ABTB2: variants seen among roughly 807,000 people sequenced by gnomAD.
ABTB2 encodes ankyrin repeat and BTB/POZ domain-containing protein 2.
A neutral mutation model predicts 104.1 loss-of-function variants in ABTB2; 56 were observed. That is an observed-to-expected ratio of 0.54 (90% confidence interval 0.43 to 0.67). The LOEUF is 0.67. Ranked by LOEUF, ABTB2 falls within the 30% of genes least tolerant of loss-of-function variation. The pLI, the probability that ABTB2 is intolerant of heterozygous loss-of-function variation, is 0.00. For synonymous variants in ABTB2, 606 were observed against 608.2 expected (o/e 1.00, Z 0.05); for missense variants, 1,279 against 1,407.7 (o/e 0.91, Z 1.46).
chr11:34,345,454 A>G (rs1012028465), intron 1 of ABTB2, among the ~76,000 whole-genome samples: 1 of 152,124 alleles, frequency 6.6e-6, no homozygotes, highest in Admixed American at 6.6e-5. Context: ...ACAGTCCTCA[A>G]TAAATATTTG....
intron 1 of ABTB2, among the ~76,000 whole-genome samples, chr11:34,205,697 G>A (rs1259347891): frequency 6.6e-6 from 1 of 152,050 alleles, no homozygotes; most frequent in African/African-American, 2.4e-5. Context: ...GGAGAGCACC[G>A]GGATGTGGCC....
At chr11:34,286,789 C>T (rs1017635251) in intron 1 of ABTB2, among the ~76,000 whole-genome samples, 8 of 152,172 alleles carry the variant, frequency 5.3e-5, no homozygotes, top group Non-Finnish European at 1.2e-4. Flanking sequence ...ACATGTCTCC[C>T]CTTGGAGGCT....
At chr11:34,230,074 T>C (rs1452180278) in intron 1 of ABTB2, among the ~76,000 whole-genome samples, 2 of 152,068 alleles carry the variant, frequency 1.3e-5, no homozygotes, top group African/African-American at 2.4e-5. Flanking sequence ...TGGGCAAGGG[T>C]TCTCTGTTGA....
chr11:34,327,192 C>T (rs1335441997), intron 1 of ABTB2, among the ~76,000 whole-genome samples: 1 of 152,116 alleles, frequency 6.6e-6, no homozygotes, highest in Non-Finnish European at 1.5e-5. Context: ...ACGATATAGG[C>T]TAGTTAAAAT....
At chr11:34,294,914 C>T (rs1854602915) in intron 1 of ABTB2, among the ~76,000 whole-genome samples, 1 of 151,942 alleles carries the variant, frequency 6.6e-6, no homozygotes, top group Non-Finnish European at 1.5e-5. Flanking sequence ...CAGGGTTTCA[C>T]CATGTTGGCC....
intron 2 of ABTB2, 107 bp from the exon 3 acceptor site, chr11:34,197,645 G>T (rs1590214069): frequency 1.2e-6 from 1 of 808,686 alleles, no homozygotes; most frequent in Non-Finnish European, 1.9e-6. Flanking sequence ...AAGCTCCCTT[G>T]CCTTAGTGCA....
intron 1 of ABTB2, among the ~76,000 whole-genome samples, chr11:34,301,881 C>T (rs1052774754): frequency 6.6e-6 from 1 of 152,112 alleles, no homozygotes; most frequent in Admixed American, 6.6e-5. Flanking sequence ...TAGCTACTTT[C>T]CAGCCTAAAG....
chr11:34,197,552 G>A lies in ABTB2; in HGVS notation c.1031-14C>T. 1 of 1,539,768 alleles carries A rather than the reference G, an allele frequency of 6.5e-7. No homozygotes were observed. The highest frequency in any genetic ancestry group is 8.8e-7 in the Non-Finnish European group (1 of 1,142,026). On this transcript the variant is annotated splice_polypyrimidine_tract_variant and intron_variant, in intron 2 of 16. Transcript: ENST00000435224. ...AGACCAAGTCACCTGGTGGGGGGCG[G>A]GGAGGGCAGAGGGGAGGAAGAGAAA...
At chr11:34,162,325 C>T (rs939930870) in intron 10 of ABTB2, among the ~76,000 whole-genome samples, 17 of 152,154 alleles carry the variant, frequency 1.1e-4, no homozygotes, top group Admixed American at 7.8e-4. Context: ...GTGGAGGGCC[C>T]GAGGGCAGGG....
At chr11:34,351,464 C>A (rs1457843363) in intron 1 of ABTB2, among the ~76,000 whole-genome samples, 1 of 152,206 alleles carries the variant, frequency 6.6e-6, no homozygotes, top group African/African-American at 2.4e-5. Flanking sequence ...ATTCCCCCAA[C>A]TCACATCTTG....
At chr11:34,172,418 A>ATG (rs1554980673) in intron 4 of ABTB2, among the ~76,000 whole-genome samples, 4,003 of 84,024 alleles carry the variant, frequency 0.048, 454 homozygotes, top group Non-Finnish European at 0.066. Context: ...ATATATATAT[A>ATG]TGTGTGTGTG....
chr11:34,209,388 C>T (rs1242706216), intron 1 of ABTB2, among the ~76,000 whole-genome samples: 1 of 149,350 alleles, frequency 6.7e-6, no homozygotes, highest in Non-Finnish European at 1.5e-5. Context: ...TAGATAACGT[C>T]CTTCTCTGCT....
At chr11:34,162,980 A>G (rs1263566303) in intron 9 of ABTB2, among the ~76,000 whole-genome samples, 175 bp from the exon 10 acceptor site, 1 of 152,082 alleles carries the variant, frequency 6.6e-6, no homozygotes, top group African/African-American at 2.4e-5. Flanking sequence ...ACCAATCCCC[A>G]TATACCTCTG....
At chr11:34,256,163 T>C (rs1247651187) in intron 1 of ABTB2, among the ~76,000 whole-genome samples, 1 of 94,718 alleles carries the variant, frequency 1.1e-5, no homozygotes, top group Non-Finnish European at 2.2e-5. Flanking sequence ...CATCTACTTG[T>C]GGGGGGTGGG....
intron 1 of ABTB2, among the ~76,000 whole-genome samples, chr11:34,312,206 C>G (rs533085943): frequency 6.6e-6 from 1 of 152,112 alleles, no homozygotes; most frequent in East Asian, 1.9e-4. Flanking sequence ...GGTGGTTCTG[C>G]CTGGAAAGGC....
intron 1 of ABTB2, among the ~76,000 whole-genome samples, chr11:34,325,109 G>A (rs917746200): frequency 5.3e-5 from 8 of 152,090 alleles, no homozygotes; most frequent in African/African-American, 1.9e-4. Context: ...ACACTTCCCA[G>A]TTTTAACTTC....
At chr11:34,212,036 A>G (rs1414987480) in intron 1 of ABTB2, among the ~76,000 whole-genome samples, 5 of 151,926 alleles carry the variant, frequency 3.3e-5, no homozygotes. Context: ...GACAGGAGAG[A>G]TAAGGGGAAG....
chr11:34,171,097 G>A (rs369826456), intron 4 of ABTB2, 26 bp from the exon 5 acceptor site: 17 of 1,609,048 alleles, frequency 1.1e-5, no homozygotes, highest in African/African-American at 5.3e-5. Flanking sequence ...CCAAAGGTGC[G>A]TGTGACTGTA....
chr11:34,260,972 A>G (rs533669738), intron 1 of ABTB2, among the ~76,000 whole-genome samples: 5 of 152,038 alleles, frequency 3.3e-5, no homozygotes, highest in Non-Finnish European at 7.4e-5. Context: ...AAGTACAAAG[A>G]ATTAGCTGGG....
Sources: gnomAD v4.1 joint callset for allele counts (sites outside exome capture counted in the v4.1 genomes callset) on GRCh38, gnomAD v4.1.1 for gene constraint, MANE v1.5 for transcripts, NCBI Gene and HGNC (gene_info 2026-07-23, HGNC 2026-07-21) for gene names.